CCSER1: variants seen among roughly 807,000 people sequenced by gnomAD.
The protein encoded by CCSER1 is coiled-coil serine rich protein 1.
CCSER1 carries 41 observed loss-of-function variants against 82.0 expected under a neutral mutation model. The ratio of observed to expected loss-of-function variants is 0.50; its 90% CI spans 0.39 to 0.65. CCSER1 has a LOEUF of 0.65. Among genes scored for constraint, CCSER1 ranks in the 30% least tolerant of loss-of-function variants. The pLI is 0.00. For synonymous variants in CCSER1, 414 were observed against 383.9 expected, an observed-to-expected ratio of 1.08 and a Z score of -0.92; for missense variants, 1,119 against 1,064.2, an observed-to-expected ratio of 1.05 and a Z score of -0.72.
chr4:90,499,940 T>C (rs1450750858), intron 5 of CCSER1, among the ~76,000 whole-genome samples: 1 of 152,174 alleles, frequency 6.6e-6, no homozygotes, highest in Non-Finnish European at 1.5e-5. Flanking sequence ...AATTAGTCAT[T>C]TATGGGGACA....
intron 8 of CCSER1, among the ~76,000 whole-genome samples, chr4:90,830,648 A>G (rs1761007404): frequency 6.6e-6 from 1 of 152,130 alleles, no homozygotes; most frequent in African/African-American, 2.4e-5. Flanking sequence ...TACTAAATTC[A>G]CAATCCCTAC....
intron 10 of CCSER1, among the ~76,000 whole-genome samples, chr4:91,235,666 G>GAGAC (rs1159031950): frequency 6.6e-6 from 1 of 151,814 alleles, no homozygotes; most frequent in Non-Finnish European, 1.5e-5. Flanking sequence ...TTTTAAATAG[G>GAGAC]AGACAGGCCT....
chr4:90,529,967 A>C (rs1262849601), intron 5 of CCSER1, among the ~76,000 whole-genome samples: 1 of 149,954 alleles, frequency 6.7e-6, no homozygotes, highest in African/African-American at 2.4e-5. Flanking sequence ...TTTTTCTCTA[A>C]TGGTAGAGAA....
chr4:90,846,536 T>C (rs1389705079), intron 8 of CCSER1, among the ~76,000 whole-genome samples: 3 of 152,218 alleles, frequency 2.0e-5, no homozygotes, highest in Admixed American at 6.5e-5. Context: ...TTTTGGATAT[T>C]CATTGCCTCA....
At chr4:91,352,144 AATTTAT>A (rs986264668) in intron 10 of CCSER1, among the ~76,000 whole-genome samples, 1 of 152,238 alleles carries the variant, frequency 6.6e-6, no homozygotes, top group African/African-American at 2.4e-5. Flanking sequence ...GCTATATACC[AATTTAT>A]ATACCTGACT....
At chr4:91,042,337 G>A (rs1742032438) in intron 9 of CCSER1, among the ~76,000 whole-genome samples, 1 of 152,148 alleles carries the variant, frequency 6.6e-6, no homozygotes, top group African/African-American at 2.4e-5. Context: ...TACCAGGATT[G>A]TAAGTTTCCT....
chr4:90,831,921 G>T (rs935972750), intron 8 of CCSER1, among the ~76,000 whole-genome samples: 9 of 151,952 alleles, frequency 5.9e-5, no homozygotes, highest in Admixed American at 3.3e-4. Flanking sequence ...TTATATAGCA[G>T]AAATGATAAT....
chr4:91,558,024 A>T (rs2110243661), intron 10 of CCSER1, among the ~76,000 whole-genome samples: 1 of 151,180 alleles, frequency 6.6e-6, no homozygotes, highest in African/African-American at 2.4e-5. Flanking sequence ...AATATTTCTT[A>T]AACATTTTAT....
intron 1 of CCSER1, among the ~76,000 whole-genome samples, chr4:90,302,397 A>G (rs770626785): frequency 2.0e-5 from 3 of 151,994 alleles, no homozygotes; most frequent in Non-Finnish European, 4.4e-5. Flanking sequence ...GGCAACTTGG[A>G]AGAGGCAATG....
Position 91,455,020 on chromosome 4 carries a change from A to T in CCSER1, c.2218-143552A>T, listed in dbSNP as rs1368657863. 3.3e-5 allele frequency among the ~76,000 whole-genome samples: 5 copies of T among 152,184 alleles called. No individual in the cohort carries two copies. The East Asian group carries it at 9.6e-4, about 29-fold the overall frequency. The stretch of plus-strand genomic sequence containing the variant: ...TTGCCAGTGATTTCTATTTTTTCCA[A>T]CTTCTAAAAAAAGTAAAATGTAATT... On this transcript the variant is annotated intron_variant, in intron 10 of 10. Transcript: ENST00000509176.
intron 9 of CCSER1, among the ~76,000 whole-genome samples, chr4:90,935,171 A>G (rs1433691244): frequency 6.6e-6 from 1 of 152,070 alleles, no homozygotes; most frequent in African/African-American, 2.4e-5. Flanking sequence ...TCCAACTCTC[A>G]TGCTGAAATT....
intron 4 of CCSER1, among the ~76,000 whole-genome samples, chr4:90,436,922 T>TCAGCCTCCCGAGTAGCTGGGACTA (rs1338053424): frequency 1.3e-5 from 2 of 151,846 alleles, no homozygotes; most frequent in African/African-American, 4.8e-5. Context: ...TTCTCCTGCC[T>TCAGCCTCCCGAGTAGCTGGGACTA]CAGCCTCCCG....
chr4:90,987,856 A>G (rs1736697519), intron 9 of CCSER1, among the ~76,000 whole-genome samples: 1 of 151,792 alleles, frequency 6.6e-6, no homozygotes, highest in Non-Finnish European at 1.5e-5. Flanking sequence ...TAAATAGAGT[A>G]AAATTTATTG....
intron 7 of CCSER1, among the ~76,000 whole-genome samples, chr4:90,748,162 A>G (rs867265565): frequency 2.1e-5 from 3 of 140,534 alleles, no homozygotes; most frequent in African/African-American, 2.6e-5. Flanking sequence ...CATTAGGTAT[A>G]TCTCCCGATG....
intron 9 of CCSER1, among the ~76,000 whole-genome samples, chr4:90,986,468 AAT>A (rs1736587862): frequency 6.6e-6 from 1 of 151,822 alleles, no homozygotes; most frequent in South Asian, 2.1e-4. Flanking sequence ...CTAAAGAAAA[AAT>A]AGAGTGTATA....
chr4:91,207,417 T>G (rs905107112), intron 10 of CCSER1, among the ~76,000 whole-genome samples: 6 of 151,858 alleles, frequency 4.0e-5, no homozygotes, highest in African/African-American at 1.5e-4. Context: ...TGTCTGTTGT[T>G]CCCCTCTTTC....
intron 10 of CCSER1, among the ~76,000 whole-genome samples, chr4:91,133,155 T>G (rs552543677): frequency 6.6e-6 from 1 of 152,242 alleles, no homozygotes; most frequent in South Asian, 2.1e-4. Flanking sequence ...CCTTCTCTTC[T>G]TTAAATAATA....
At chr4:90,291,866 A>G (rs1730999031) in intron 1 of CCSER1, among the ~76,000 whole-genome samples, 2 of 151,988 alleles carry the variant, frequency 1.3e-5, no homozygotes, top group African/African-American at 4.8e-5. Context: ...TTATTTCTCC[A>G]TAACTTGAAA....
chr4:90,852,607 C>T (rs72879466), intron 8 of CCSER1, among the ~76,000 whole-genome samples: 209 of 152,296 alleles, frequency 1.4e-3, no homozygotes, highest in African/African-American at 4.9e-3. Context: ...TCTCTGGCAA[C>T]GGCTCTAACC....
Sources: gnomAD v4.1 joint callset for allele counts (sites outside exome capture counted in the v4.1 genomes callset) on GRCh38, gnomAD v4.1.1 for gene constraint, MANE v1.5 for transcripts, NCBI Gene and HGNC (gene_info 2026-07-23, HGNC 2026-07-21) for gene names.